The following NHSL1 variants were observed in gnomAD, a reference collection of about 807,000 sequenced individuals.
NHSL1 encodes NHS-like protein 1.
Under a neutral mutation model 95.0 loss-of-function variants are expected in NHSL1, and 48 were observed. The ratio of observed to expected loss-of-function variants is 0.51; its 90% confidence interval spans 0.40 to 0.64. NHSL1 has a LOEUF of 0.64. NHSL1 is among the 30% of genes least tolerant of loss of function. The pLI, the probability that NHSL1 is intolerant of heterozygous loss-of-function variation, is 0.00. For synonymous variants in NHSL1, 783 were observed against 833.9 expected (o/e 0.94, Z 1.05); for missense variants, 1,971 against 2,077.7 (o/e 0.95, Z 1.00).
intron 7 of NHSL1, among the ~76,000 whole-genome samples, chr6:138,425,269 G>A (rs541139724): frequency 6.6e-6 from 1 of 151,954 alleles, no homozygotes; most frequent in Non-Finnish European, 1.5e-5. Flanking sequence ...GCTAATTTTT[G>A]TATTTTTAGT....
At chr6:138,681,863 C>T (rs185615872) in intron 1 of NHSL1, among the ~76,000 whole-genome samples, 1 of 152,282 alleles carries the variant, frequency 6.6e-6, no homozygotes, top group Admixed American at 6.5e-5. Flanking sequence ...TTACTGATAA[C>T]ACCTTTAACA....
At chr6:138,507,426 G>A (rs1389060696) in intron 1 of NHSL1, among the ~76,000 whole-genome samples, 2 of 152,206 alleles carry the variant, frequency 1.3e-5, no homozygotes, top group African/African-American at 4.8e-5. Context: ...GAATGTGCCA[G>A]ATTAGAAGAG....
At chr6:138,568,787 G>A (rs1440240607) in intron 1 of NHSL1, among the ~76,000 whole-genome samples, 8 of 152,086 alleles carry the variant, frequency 5.3e-5, no homozygotes, top group African/African-American at 1.9e-4. Flanking sequence ...CGTATAAAAA[G>A]ATTCTCAAAA....
At position 138,433,626 on chromosome 6, in the gene NHSL1, T is replaced by A. The variant is rs1346698849; in HGVS notation, c.719A>T (p.His240Leu). The change falls in exon 6 of 8, where the codon CAC becomes CTC. Residue 240 changes from histidine to leucine, a missense_variant. Physicochemically the swap from His to Leu is moderately conservative, Grantham distance 99 (BLOSUM62 -3). Around this residue, in one of 3 missense-constraint regions of NHSL1, gnomAD observed 1,602 missense variants for 1,654.5 expected, o/e 0.97. Transcript: ENST00000343505. Reference sequence around the variant, plus strand: ...ATTGAACCTTCCTAGTGTAGAGTAGTGATCAGGGGTGTACACTGAGTGGCC... The same window carrying A: ...ATTGAACCTTCCTAGTGTAGAGTAGAGATCAGGGGTGTACACTGAGTGGCC... ...ADGHSVYTPD[H>L]YSTLGRFNSC... 1 of 1,551,988 alleles carries A rather than the reference T, an allele frequency of 6.4e-7. No homozygotes were observed. The highest frequency in any genetic ancestry group is 8.7e-7 in the Non-Finnish European group (1 of 1,146,988).
At chr6:138,463,837 G>A (rs1027762369) in intron 3 of NHSL1, among the ~76,000 whole-genome samples, 1 of 152,008 alleles carries the variant, frequency 6.6e-6, no homozygotes, top group African/African-American at 2.4e-5. Context: ...GTCCTTCTTG[G>A]ACACTCAATC....
intron 1 of NHSL1, among the ~76,000 whole-genome samples, chr6:138,629,108 A>G (rs976992784): frequency 1.4e-4 from 21 of 152,224 alleles, no homozygotes; most frequent in Admixed American, 1.4e-3. Flanking sequence ...AAGTGCTGAA[A>G]TTCAAATAAT....
intron 1 of NHSL1, among the ~76,000 whole-genome samples, chr6:138,626,893 CAAAAAAAAAAAAAAAAAAAAAA>C (rs71009593): frequency 1.3e-4 from 1 of 7,770 alleles, no homozygotes; most frequent in African/African-American, 4.3e-4. Context: ...GACTCCGTCT[CAAAAAAAAAAAAAAAAAAAAAA>C]AAAAAAAAAA....
chr6:138,525,109 T>C (rs1781843071), intron 1 of NHSL1, among the ~76,000 whole-genome samples: 1 of 152,146 alleles, frequency 6.6e-6, no homozygotes, highest in South Asian at 2.1e-4. Context: ...GGAAGCTTAA[T>C]GTCTCTGGGC....
At chr6:138,625,756 C>T (rs1784729451) in intron 1 of NHSL1, among the ~76,000 whole-genome samples, 1 of 152,158 alleles carries the variant, frequency 6.6e-6, no homozygotes, top group Admixed American at 6.5e-5. Context: ...ATCCTCCCAC[C>T]TCAGTCTTCC....
chr6:138,532,871 T>G (rs939625005), intron 1 of NHSL1, among the ~76,000 whole-genome samples: 6 of 152,176 alleles, frequency 3.9e-5, no homozygotes, highest in African/African-American at 1.2e-4. Context: ...ATTAAAATGA[T>G]GAGCCCACTT....
exon 1 of NHSL1, chr6:138,572,171 G>A: frequency 2.4e-6 from 1 of 410,944 alleles, no homozygotes; most frequent in Non-Finnish European, 4.3e-6. Flanking sequence ...CGATATCCAC[G>A]GCCAAAAAAT....
chr6:138,596,830 C>T (rs959858780), intron 1 of NHSL1, among the ~76,000 whole-genome samples: 6 of 152,062 alleles, frequency 3.9e-5, no homozygotes, highest in African/African-American at 9.7e-5. Flanking sequence ...CTAGAGGCAG[C>T]GGCAGCAGCA....
chr6:138,616,603 T>A (rs996957974), intron 1 of NHSL1, among the ~76,000 whole-genome samples: 8 of 151,988 alleles, frequency 5.3e-5, no homozygotes, highest in African/African-American at 1.9e-4. Flanking sequence ...TACCTTCCCA[T>A]CCCAAGTATT....
intron 2 of NHSL1, among the ~76,000 whole-genome samples, chr6:138,479,028 T>A (rs1329007772): frequency 1.3e-5 from 2 of 152,226 alleles, no homozygotes; most frequent in African/African-American, 4.8e-5. Context: ...CTTTAGTCAT[T>A]CAATTTTTAA....
intron 1 of NHSL1, among the ~76,000 whole-genome samples, chr6:138,668,341 G>A (rs1213431468): frequency 6.6e-6 from 1 of 152,096 alleles, no homozygotes; most frequent in African/African-American, 2.4e-5. Flanking sequence ...TACTAGGGAG[G>A]ATGAGGCAGA....
intron 2 of NHSL1, among the ~76,000 whole-genome samples, chr6:138,493,573 C>T (rs1780192544): frequency 6.6e-6 from 1 of 152,240 alleles, no homozygotes; most frequent in Admixed American, 6.5e-5. Context: ...CTCACACATA[C>T]CTTCACGAAA....
At chr6:138,616,889 C>T (rs1397973500) in intron 1 of NHSL1, among the ~76,000 whole-genome samples, 1 of 152,226 alleles carries the variant, frequency 6.6e-6, no homozygotes, top group Non-Finnish European at 1.5e-5. Context: ...GTAGAGGTTA[C>T]TCTGTCAACC....
chr6:138,487,258 G>A (rs1165644645), intron 2 of NHSL1, among the ~76,000 whole-genome samples: 1 of 152,172 alleles, frequency 6.6e-6, no homozygotes, highest in Non-Finnish European at 1.5e-5. Context: ...GTTAGTAATG[G>A]GGAGCTGGTA....
chr6:138,669,961 A>G (rs1468623802), intron 1 of NHSL1, among the ~76,000 whole-genome samples: 3 of 152,076 alleles, frequency 2.0e-5, no homozygotes, highest in South Asian at 4.2e-4. Flanking sequence ...TCTCTACTAA[A>G]AATACAAAAT....
Sources: allele counts gnomAD v4.1 joint callset (sites outside exome capture counted in the v4.1 genomes callset), GRCh38; gene constraint gnomAD v4.1.1; regional missense constraint gnomAD v4.1.1; transcripts MANE v1.5; gene names NCBI Gene and HGNC (gene_info 2026-07-23, HGNC 2026-07-21).